The following PTPRM variants were observed in gnomAD, a reference collection of about 807,000 sequenced individuals.
PTPRM encodes the protein receptor-type tyrosine-protein phosphatase mu.
Under a neutral mutation model 186.7 loss-of-function variants are expected in PTPRM, and 47 were observed. The ratio of observed to expected loss-of-function variants is 0.25; its 90% confidence interval spans 0.20 to 0.32. The LOEUF (loss-of-function observed/expected upper bound fraction) is 0.32, where lower values mean the gene tolerates loss of function less well. Among genes scored for constraint, PTPRM ranks in the 10% least tolerant of loss-of-function variants. The probability of loss-of-function intolerance (pLI) is 1.00; values close to 1 mark genes in which losing one functional copy is unlikely to be tolerated. For synonymous variants in PTPRM, 668 were observed against 674.9 expected, an observed-to-expected ratio of 0.99 and a Z score of 0.16; for missense variants, 1,494 against 1,865.0, an observed-to-expected ratio of 0.80 and a Z score of 3.66.
Position 7,920,182 on chromosome 18 carries a change from T to G in PTPRM, c.548-6386T>G, listed in dbSNP as rs76547174. ...CCTTTTAATTGGATAATTTGCTCCA[T>G]TTACATTCAATGTCATTATTAAGTA... On this transcript the variant is annotated intron_variant, in intron 4 of 32. Transcript: ENST00000580170. Among the ~76,000 whole-genome samples, 74 of 152,248 alleles carry G rather than the reference T, an allele frequency of 4.9e-4. 1 individual carries two copies. The East Asian group carries it at 6.0e-3, about 12-fold the overall frequency.
intron 2 of PTPRM, among the ~76,000 whole-genome samples, chr18:7,820,973 C>A (rs1034703383): frequency 2.0e-5 from 3 of 152,146 alleles, no homozygotes; most frequent in African/African-American, 7.2e-5. Flanking sequence ...CAGCTGCCCC[C>A]CAAGGACTGG....
intron 2 of PTPRM, among the ~76,000 whole-genome samples, chr18:7,883,037 T>G (rs1295752224): frequency 2.0e-5 from 3 of 152,240 alleles, no homozygotes; most frequent in Non-Finnish European, 2.9e-5. Flanking sequence ...AAGAAGCTTC[T>G]AAGTCTGCAT....
intron 14 of PTPRM, among the ~76,000 whole-genome samples, chr18:8,210,075 G>A (rs1412459192): frequency 6.6e-6 from 1 of 151,144 alleles, no homozygotes; most frequent in Non-Finnish European, 1.5e-5. Context: ...ACTTTGGGAG[G>A]CTGAGGTGGC....
Position 8,406,570 on chromosome 18 carries a change from T to C in PTPRM, c.*408T>C, listed in dbSNP as rs1313430280. 1 of 171,216 alleles carries C rather than the reference T, an allele frequency of 5.8e-6. No individual in the cohort carries two copies. Among genetic ancestry groups the C allele is most frequent in the Non-Finnish European group, 1.3e-5 (1 of 78,822 alleles). 10.6% of individuals were successfully genotyped at this position (171,216 alleles called of 1,614,324 possible). A position where few individuals can be genotyped will look rare whatever the true frequency, so the allele number is the denominator to read the frequency against. On this transcript the variant is annotated 3_prime_UTR_variant, in exon 33 of 33. Transcript: ENST00000580170. ...AGAATGCTATCTGGCATTATGGTAA[T>C]ATATTATTTTAGGTAATATTTGTAC... is the stretch of plus-strand genomic sequence containing the variant.
chr18:7,768,297 A>C (rs2042107164), intron 1 of PTPRM, among the ~76,000 whole-genome samples: 1 of 152,092 alleles, frequency 6.6e-6, no homozygotes, highest in Non-Finnish European at 1.5e-5. Flanking sequence ...AGGAGTTCAG[A>C]ATCAGCAACA....
chr18:8,103,841 TTAA>T (rs1246272755), intron 11 of PTPRM, among the ~76,000 whole-genome samples: 1 of 152,232 alleles, frequency 6.6e-6, no homozygotes, highest in African/African-American at 2.4e-5. Flanking sequence ...CTCACTGTGC[TTAA>T]TAATTTCCGG....
chr18:8,049,012 A>G (rs2087273710), intron 7 of PTPRM, among the ~76,000 whole-genome samples: 1 of 152,200 alleles, frequency 6.6e-6, no homozygotes, highest in South Asian at 2.1e-4. Context: ...CAAAAGGTCA[A>G]AACCCATTCC....
intron 7 of PTPRM, among the ~76,000 whole-genome samples, chr18:8,008,041 C>G (rs1044911923): frequency 6.6e-6 from 1 of 152,068 alleles, no homozygotes; most frequent in African/African-American, 2.4e-5. Flanking sequence ...CATTGAAGAC[C>G]TGGGAAATAT....
chr18:8,401,611 C>T (rs181430781), intron 32 of PTPRM, among the ~76,000 whole-genome samples: 5 of 152,310 alleles, frequency 3.3e-5, no homozygotes, highest in African/African-American at 1.2e-4. Flanking sequence ...TCTCTTTGAA[C>T]CTTTGGAGGC....
intron 4 of PTPRM, among the ~76,000 whole-genome samples, chr18:7,907,752 A>ATATG (rs2050064371): frequency 6.7e-6 from 1 of 149,668 alleles, no homozygotes; most frequent in African/African-American, 2.4e-5. Flanking sequence ...AACACCGCAA[A>ATATG]TGTGTGTGTG....
chr18:7,671,878 G>A (rs1005473957), intron 1 of PTPRM, among the ~76,000 whole-genome samples: 3 of 152,164 alleles, frequency 2.0e-5, no homozygotes, highest in African/African-American at 7.2e-5. Flanking sequence ...ACAAGTGGTA[G>A]AGTTTATAAA....
intron 22 of PTPRM, among the ~76,000 whole-genome samples, chr18:8,333,453 C>G (rs1028180687): frequency 3.9e-5 from 6 of 152,066 alleles, no homozygotes; most frequent in African/African-American, 1.2e-4. Context: ...AAAAGCTACT[C>G]AATGTAAAAT....
At chr18:7,960,480 T>TATATATATATATATATATACACACAC (rs1300573371) in intron 7 of PTPRM, among the ~76,000 whole-genome samples, 6 of 86,602 alleles carry the variant, frequency 6.9e-5, no homozygotes, top group African/African-American at 2.2e-4. Flanking sequence ...TATATATATA[T>TATATATATATATATATATACACACAC]ACACACACAC....
At chr18:7,777,651 C>T (rs1242901219) in intron 2 of PTPRM, among the ~76,000 whole-genome samples, 1 of 152,134 alleles carries the variant, frequency 6.6e-6, no homozygotes, top group African/African-American at 2.4e-5. Flanking sequence ...AATATACAAA[C>T]ATTTCACATT....
At chr18:8,086,298 A>C (rs946731300) in intron 10 of PTPRM, among the ~76,000 whole-genome samples, 5 of 152,052 alleles carry the variant, frequency 3.3e-5, no homozygotes, top group Non-Finnish European at 7.4e-5. Flanking sequence ...ACCATAAGAA[A>C]CTTCTGTCCT....
intron 13 of PTPRM, among the ~76,000 whole-genome samples, chr18:8,119,065 G>A (rs977759568): frequency 6.6e-6 from 1 of 151,632 alleles, no homozygotes. Context: ...AGAAAACAAA[G>A]CATTTTTCAA....
At chr18:8,172,494 C>A (rs1432916193) in intron 14 of PTPRM, among the ~76,000 whole-genome samples, 4 of 151,998 alleles carry the variant, frequency 2.6e-5, no homozygotes, top group East Asian at 1.9e-4. Context: ...CGGGTACTTA[C>A]AACAGTGCAT....
chr18:8,305,909 T>C (rs955110301), intron 20 of PTPRM, among the ~76,000 whole-genome samples: 3 of 152,096 alleles, frequency 2.0e-5, no homozygotes, highest in Non-Finnish European at 4.4e-5. Flanking sequence ...AATTTTTTTT[T>C]TTTTTTGGAT....
intron 11 of PTPRM, among the ~76,000 whole-genome samples, chr18:8,095,789 A>G (rs2090987291): frequency 6.6e-6 from 1 of 152,148 alleles, no homozygotes. Context: ...TTTAGAAGGA[A>G]AAAAAGAGAA....
Sources: gnomAD v4.1 joint callset for allele counts (sites outside exome capture counted in the v4.1 genomes callset) on GRCh38, gnomAD v4.1.1 for gene constraint, MANE v1.5 for transcripts, NCBI Gene and HGNC (gene_info 2026-07-23, HGNC 2026-07-21) for gene names.